Variants in ZRANB3 observed in about 807,000 individuals in gnomAD.
ZRANB3 encodes the protein DNA annealing helicase and endonuclease ZRANB3.
ZRANB3 carries 125 observed loss-of-function variants against 133.8 expected under a neutral mutation model. The ratio of observed to expected loss-of-function variants is 0.93; its 90% CI spans 0.81 to 1.08. ZRANB3 has a LOEUF of 1.08. ZRANB3 is among the 50% of genes least tolerant of loss of function. The pLI is 0.00. For missense variants in ZRANB3, 1,229 were observed against 1,275.5 expected (o/e 0.96, Z 0.56); for synonymous variants, 387 against 432.7 (o/e 0.89, Z 1.31).
intron 2 of ZRANB3, among the ~76,000 whole-genome samples, chr2:135,425,863 T>C (rs563672915): frequency 4.7e-5 from 7 of 150,084 alleles, no homozygotes; most frequent in South Asian, 2.1e-4. Context: ...TTGAAGGAAA[T>C]TGAGATACGA....
chr2:135,284,212 C>T (rs1448298340), intron 8 of ZRANB3, among the ~76,000 whole-genome samples: 2 of 152,162 alleles, frequency 1.3e-5, no homozygotes, highest in African/African-American at 2.4e-5. Flanking sequence ...ATAAAAGTAC[C>T]TACACCGCAT....
At chr2:135,444,603 G>C (rs1689934851) in intron 2 of ZRANB3, among the ~76,000 whole-genome samples, 1 of 152,024 alleles carries the variant, frequency 6.6e-6, no homozygotes. Flanking sequence ...TTATAGAAAA[G>C]GTAAACTGTA....
intron 2 of ZRANB3, 131 bp from the exon 3 acceptor site, chr2:135,390,951 C>G (rs1258470475): frequency 2.4e-5 from 22 of 931,910 alleles, no homozygotes; most frequent in Non-Finnish European, 3.3e-5. Flanking sequence ...ACCTCTGTCT[C>G]CCAGGTCCAA....
chr2:135,449,486 G>C (rs1176683160), intron 2 of ZRANB3, among the ~76,000 whole-genome samples: 2 of 152,092 alleles, frequency 1.3e-5, no homozygotes, highest in East Asian at 3.9e-4. Context: ...CAAGTGTGGT[G>C]GTGGGCACCT....
In ZRANB3 at chr2:135,481,217, T is replaced by C. The variant is rs563960507; in HGVS notation, c.161+23112A>G. Among the ~76,000 whole-genome samples the C allele has an allele frequency of 7.6e-3, 1,155 of 151,222 alleles. 12 individuals carry two copies. Among genetic ancestry groups the C allele is most frequent in the African/African-American group, 0.026 (1,079 of 41,110 alleles). On this transcript the variant is annotated intron_variant, in intron 2 of 20. Coordinates refer to ENST00000264159, the MANE Select transcript of ZRANB3 (RefSeq NM_032143.4). ...TGACTTCCACAATGGATGAACTAGTTTACAGTCCCACCAACAGTGTAAAAG... is the reference window on the plus strand; with the variant it reads ...TGACTTCCACAATGGATGAACTAGTCTACAGTCCCACCAACAGTGTAAAAG...
In ZRANB3 at chr2:135,290,447, C is replaced by T. The variant is rs532138702; in HGVS notation, c.967-14692G>A. ...CACTTTTGGTGTCCATTTACATGGA[C>T]TATCTTTTTGCACCGCTTTACCTTA... On this transcript the variant is annotated intron_variant, in intron 8 of 20. Coordinates refer to ENST00000264159, the MANE Select transcript of ZRANB3 (RefSeq NM_032143.4). 2.6e-5 allele frequency among the ~76,000 whole-genome samples: 4 copies of T among 152,142 alleles called. No individual in the cohort carries two copies. In the South Asian group the frequency reaches 6.2e-4, roughly 24 times the overall value.
At chr2:135,497,646 C>T (rs926858565) in intron 2 of ZRANB3, among the ~76,000 whole-genome samples, 1 of 152,166 alleles carries the variant, frequency 6.6e-6, no homozygotes, top group African/African-American at 2.4e-5. Context: ...AAGGTATACA[C>T]ATAAAATTAC....
intron 8 of ZRANB3, among the ~76,000 whole-genome samples, chr2:135,304,734 T>C (rs192074606): frequency 2.3e-3 from 343 of 152,176 alleles, no homozygotes; most frequent in African/African-American, 6.0e-3. Context: ...GCTATTTAGG[T>C]TTTTAATTTC....
chr2:135,390,819 A>T lies in ZRANB3; in HGVS notation c.163T>A (p.Cys55Ser). The change falls in exon 3 of 21, where the codon TGT becomes AGT. Residue 55 changes from cysteine (C) to serine (S), a missense_variant and splice_region_variant. Transcript: ENST00000264159. ...IIFALKRNGRCMVADEMGLGK... is the reference protein window; with the variant it reads ...IIFALKRNGRSMVADEMGLGK... ...ACACTTACTTCATCAGCCACCATAC[A>T]CCTGGAAAAAAAAAAAAAAAAAAAT... The T allele has an allele frequency of 6.9e-7, 1 of 1,453,690 alleles. No individual in the cohort carries two copies. Among genetic ancestry groups the T allele is most frequent in the Non-Finnish European group, 9.1e-7 (1 of 1,095,558 alleles). The allele number at this position is 1,453,690 out of a possible 1,614,324, so 90.0% of individuals were successfully genotyped here. A position where few individuals can be genotyped will look rare whatever the true frequency, so the allele number is the denominator to read the frequency against.
intron 6 of ZRANB3, among the ~76,000 whole-genome samples, chr2:135,344,589 T>G (rs1206438192): frequency 1.3e-5 from 2 of 151,910 alleles, no homozygotes; most frequent in African/African-American, 4.8e-5. Context: ...TAACAAAAAT[T>G]AGCCGGGCAT....
chr2:135,345,363 G>A (rs943329369), intron 6 of ZRANB3, 187 bp downstream of exon 6: 6 of 474,626 alleles, frequency 1.3e-5, no homozygotes, highest in African/African-American at 2.0e-5. Flanking sequence ...AGCTACTCAG[G>A]AGGCTAAGGC....
chr2:135,332,160 G>GT (rs1315757928), intron 6 of ZRANB3, among the ~76,000 whole-genome samples: 5 of 152,012 alleles, frequency 3.3e-5, no homozygotes, highest in African/African-American at 1.2e-4. Flanking sequence ...TAGAATTATG[G>GT]TATTTTTCCT....
At chr2:135,420,092 T>C (rs1688768057) in intron 2 of ZRANB3, among the ~76,000 whole-genome samples, 1 of 38,354 alleles carries the variant, frequency 2.6e-5, no homozygotes, top group Non-Finnish European at 3.6e-5. Flanking sequence ...ATCTTAGATT[T>C]ATATATATAT....
chr2:135,414,614 G>T (rs1167241704), intron 2 of ZRANB3, among the ~76,000 whole-genome samples: 2 of 152,030 alleles, frequency 1.3e-5, no homozygotes, highest in African/African-American at 2.4e-5. Flanking sequence ...CTAATAGACA[G>T]CTACAGAACT....
chr2:135,241,541 C>T (rs1695554304), intron 12 of ZRANB3, among the ~76,000 whole-genome samples: 1 of 151,920 alleles, frequency 6.6e-6, no homozygotes, highest in African/African-American at 2.4e-5. Flanking sequence ...TCTAATGACA[C>T]TTGATCGTCC....
intron 8 of ZRANB3, among the ~76,000 whole-genome samples, chr2:135,279,266 A>G (rs945098025): frequency 2.0e-5 from 3 of 152,232 alleles, no homozygotes; most frequent in African/African-American, 7.2e-5. Context: ...ACATATGACT[A>G]TAAAGTCACA....
intron 2 of ZRANB3, among the ~76,000 whole-genome samples, chr2:135,496,400 A>C (rs1356899796): frequency 1.3e-5 from 2 of 150,208 alleles, no homozygotes; most frequent in Non-Finnish European, 3.0e-5. Context: ...AAAAAAAAAA[A>C]AAAAAAAAAA....
intron 6 of ZRANB3, among the ~76,000 whole-genome samples, chr2:135,327,264 T>C (rs888553570): frequency 1.3e-5 from 2 of 152,156 alleles, no homozygotes; most frequent in African/African-American, 2.4e-5. Context: ...CTTTCTGCCA[T>C]GCCTAAAGAA....
intron 8 of ZRANB3, among the ~76,000 whole-genome samples, chr2:135,309,648 C>T (rs565700877): frequency 4.6e-5 from 7 of 152,132 alleles, no homozygotes; most frequent in South Asian, 4.2e-4. Flanking sequence ...CATAAAAGGA[C>T]ACAAAATACC....
Sources: allele counts gnomAD v4.1 joint callset (sites outside exome capture counted in the v4.1 genomes callset), GRCh38; gene constraint gnomAD v4.1.1; transcripts MANE v1.5; gene names NCBI Gene and HGNC (gene_info 2026-07-23, HGNC 2026-07-21).